GSE1: variants seen among roughly 807,000 people sequenced by gnomAD.
The protein encoded by GSE1 is genetic suppressor element 1.
Under a neutral mutation model 112.6 loss-of-function variants are expected in GSE1, and 32 were observed. That is an observed-to-expected ratio of 0.28 (90% CI 0.21 to 0.38). The LOEUF is 0.38. Among genes scored for constraint, GSE1 ranks in the 10% least tolerant of loss-of-function variants. The probability of loss-of-function intolerance (pLI) is 1.00; values close to 1 mark genes in which losing one functional copy is unlikely to be tolerated. For missense variants in GSE1, 2,348 were observed against 1,699.2 expected (o/e 1.38, Z -6.71); for synonymous variants, 1,115 against 735.6 (o/e 1.52, Z -8.35).
intron 2 of GSE1, among the ~76,000 whole-genome samples, chr16:85,428,883 A>G (rs1205488999): frequency 1.3e-5 from 2 of 152,152 alleles, no homozygotes; most frequent in African/African-American, 4.8e-5. Flanking sequence ...GCAGACCAGT[A>G]AACTGTCTTT....
chr16:85,262,179 G>A (rs531526431), intron 1 of GSE1, among the ~76,000 whole-genome samples: 1 of 152,306 alleles, frequency 6.6e-6, no homozygotes, highest in East Asian at 1.9e-4. Flanking sequence ...GAAAACTGAC[G>A]ATGACAAATT....
At chr16:85,651,216 G>T (rs574811720) in intron 3 of GSE1, among the ~76,000 whole-genome samples, 1 of 151,806 alleles carries the variant, frequency 6.6e-6, no homozygotes, top group African/African-American at 2.4e-5. Context: ...TGCCGCTATC[G>T]GGGTGCCTTT....
At chr16:85,496,548 C>G (rs1407103094) in intron 2 of GSE1, among the ~76,000 whole-genome samples, 1 of 152,188 alleles carries the variant, frequency 6.6e-6, no homozygotes, top group East Asian at 1.9e-4. Flanking sequence ...CAGCTGTGGG[C>G]AGGGGGGCCG....
chr16:85,445,876 C>G (rs2049498695), intron 2 of GSE1, among the ~76,000 whole-genome samples: 1 of 152,244 alleles, frequency 6.6e-6, no homozygotes, highest in African/African-American at 2.4e-5. Flanking sequence ...CATCCCGGCA[C>G]TGTCACCTAG....
intron 1 of GSE1, among the ~76,000 whole-genome samples, chr16:85,347,146 G>A (rs934426308): frequency 7.9e-5 from 12 of 152,112 alleles, no homozygotes; most frequent in South Asian, 4.1e-4. Flanking sequence ...AGGTCTAGCC[G>A]GAGGCTCTCA....
chr16:85,664,639 C>T, intron 11 of GSE1: 1 of 180,248 alleles, frequency 5.5e-6, no homozygotes, highest in South Asian at 1.2e-4. Context: ...AGAAGGCACC[C>T]TGCCTCAGAG....
intron 2 of GSE1, among the ~76,000 whole-genome samples, chr16:85,534,805 C>T (rs1444839983): frequency 1.3e-5 from 2 of 152,290 alleles, no homozygotes; most frequent in East Asian, 1.9e-4. Context: ...CTGTGACGTC[C>T]GTCAGCGTTG....
chr16:85,626,944 C>G (rs1047444446), intron 1 of GSE1, among the ~76,000 whole-genome samples: 3 of 148,078 alleles, frequency 2.0e-5, no homozygotes, highest in African/African-American at 5.0e-5. Context: ...GGGGTCTGTT[C>G]TGAAGAACTA....
rs1231874176 is a variant in GSE1 at position 85,331,403 on chromosome 16, GTA to G, written c.2284-26052_2284-26051del. Among the ~76,000 whole-genome samples, 7 of 122,844 alleles carry G rather than the reference GTA, an allele frequency of 5.7e-5. No individual in the cohort carries two copies. The East Asian group carries it at 6.8e-4, about 12-fold the overall frequency. The allele number at this position is 122,844 out of a possible 152,430, so 80.6% of individuals were successfully genotyped here. On this transcript the variant is annotated intron_variant, in intron 1 of 2. Transcript: ENST00000637419. ...TATATGTATATATATGTGTATATAT[GTA>G]TATATATGCGTATATATGTATATAT... is the stretch of plus-strand genomic sequence containing the variant.
intron 2 of GSE1, among the ~76,000 whole-genome samples, chr16:85,526,579 G>C (rs1365094653): frequency 6.6e-6 from 1 of 152,360 alleles, no homozygotes; most frequent in Non-Finnish European, 1.5e-5. Flanking sequence ...AGCACAGACA[G>C]GGCAGTGGTT....
intron 1 of GSE1, among the ~76,000 whole-genome samples, chr16:85,229,239 T>A (rs150324023): frequency 6.6e-6 from 1 of 152,158 alleles, no homozygotes; most frequent in Non-Finnish European, 1.5e-5. Context: ...GTGGCAGCCA[T>A]GTCGGGTTGA....
At position 85,315,106 on chromosome 16, in the gene GSE1, C is replaced by T. The variant is rs150976438; in HGVS notation, c.2284-42357C>T. Reference sequence around the variant, plus strand: ...ATATTTGGGAGTGCCCCACCCTGCCCGCCCTGGACACAGTGGGCCTTAACA... The same window carrying T: ...ATATTTGGGAGTGCCCCACCCTGCCTGCCCTGGACACAGTGGGCCTTAACA... On this transcript the variant is annotated intron_variant, in intron 1 of 2. Coordinates refer to the GSE1 transcript ENST00000637419. 3.2e-3 allele frequency among the ~76,000 whole-genome samples: 493 copies of T among 152,240 alleles called. 3 individuals carry two copies. The highest frequency in any genetic ancestry group is 6.8e-3 in the Middle Eastern group (2 of 294).
intron 2 of GSE1, among the ~76,000 whole-genome samples, chr16:85,516,915 A>G (rs2051964949): frequency 6.6e-6 from 1 of 150,526 alleles, no homozygotes; most frequent in Admixed American, 6.7e-5. Context: ...CTCCTGCCTC[A>G]GCCTCCCGAG....
chr16:85,478,368 A>C (rs1406360710), intron 2 of GSE1, among the ~76,000 whole-genome samples: 1 of 151,912 alleles, frequency 6.6e-6, no homozygotes, highest in Non-Finnish European at 1.5e-5. Context: ...CCCTACTAAA[A>C]ATACAAAAAT....
At chr16:85,470,272 G>A (rs2050248035) in intron 2 of GSE1, among the ~76,000 whole-genome samples, 1 of 152,222 alleles carries the variant, frequency 6.6e-6, no homozygotes, top group Admixed American at 6.5e-5. Context: ...CCAGCCAGCG[G>A]GGGTCTTCCC....
intron 1 of GSE1, among the ~76,000 whole-genome samples, chr16:85,309,791 C>T (rs1353780842): frequency 1.3e-5 from 2 of 152,242 alleles, no homozygotes; most frequent in Non-Finnish European, 2.9e-5. Flanking sequence ...GGCTGGCGGC[C>T]TGGGGTTGGG....
chr16:85,261,700 G>A (rs528944096), intron 1 of GSE1, among the ~76,000 whole-genome samples: 1 of 152,320 alleles, frequency 6.6e-6, no homozygotes, highest in East Asian at 1.9e-4. Flanking sequence ...CCCAGCAGAT[G>A]CTTTCGGACA....
intron 1 of GSE1, among the ~76,000 whole-genome samples, chr16:85,310,083 G>A (rs1057120236): frequency 2.0e-5 from 3 of 152,224 alleles, no homozygotes; most frequent in Non-Finnish European, 4.4e-5. Flanking sequence ...CACTTAGCAC[G>A]GCCTCACCCC....
At chr16:85,232,758 C>T (rs1015772781) in intron 1 of GSE1, among the ~76,000 whole-genome samples, 65 of 152,260 alleles carry the variant, frequency 4.3e-4, no homozygotes, top group Admixed American at 4.1e-3. Flanking sequence ...AGCTCAAAAG[C>T]CACTTCCTCC....
Sources: gnomAD v4.1 joint callset for allele counts (sites outside exome capture counted in the v4.1 genomes callset) on GRCh38, gnomAD v4.1.1 for gene constraint, MANE v1.5 for transcripts, NCBI Gene and HGNC (gene_info 2026-07-23, HGNC 2026-07-21) for gene names.